ACOXL: variants seen among roughly 807,000 people sequenced by gnomAD.
The protein encoded by ACOXL is acyl-CoA oxidase like.
A neutral mutation model predicts 71.9 loss-of-function variants in ACOXL; 70 were observed. That is an observed-to-expected ratio of 0.97 (90% CI 0.80 to 1.19). The LOEUF is 1.19. Among genes scored for constraint, ACOXL ranks in the 50% most tolerant of loss-of-function variants. The pLI, the probability that ACOXL is intolerant of heterozygous loss-of-function variation, is 0.00. For synonymous variants in ACOXL, 253 were observed against 281.6 expected, an observed-to-expected ratio of 0.90 and a Z score of 1.02; for missense variants, 703 against 736.3, an observed-to-expected ratio of 0.95 and a Z score of 0.52.
intron 9 of ACOXL, among the ~76,000 whole-genome samples, chr2:110,827,542 G>A (rs1298879810): frequency 6.6e-6 from 1 of 152,174 alleles, no homozygotes; most frequent in Non-Finnish European, 1.5e-5. Flanking sequence ...ACTGAGCACT[G>A]AGAGTCCCAG....
intron 16 of ACOXL, among the ~76,000 whole-genome samples, chr2:111,062,034 T>G (rs984797701): frequency 1.3e-5 from 2 of 151,810 alleles, no homozygotes; most frequent in Non-Finnish European, 2.9e-5. Flanking sequence ...AGGCAAAAAT[T>G]TAAAGACAGA....
intron 15 of ACOXL, among the ~76,000 whole-genome samples, chr2:111,041,312 C>G (rs757550533): frequency 7.2e-4 from 109 of 152,152 alleles, no homozygotes; most frequent in Non-Finnish European, 9.4e-4. Context: ...AGGATCAATG[C>G]CACGCATGAG....
chr2:110,831,209 A>G (rs776847814), intron 9 of ACOXL, among the ~76,000 whole-genome samples: 1 of 152,172 alleles, frequency 6.6e-6, no homozygotes, highest in Non-Finnish European at 1.5e-5. Context: ...CTATTTGCAG[A>G]TTACATGATT....
chr2:110,899,435 G>T (rs2059140214), intron 10 of ACOXL, among the ~76,000 whole-genome samples: 2 of 152,054 alleles, frequency 1.3e-5, no homozygotes, highest in South Asian at 4.2e-4. Flanking sequence ...ATGGCTTTTG[G>T]GGCAGACAGG....
intron 12 of ACOXL, among the ~76,000 whole-genome samples, chr2:110,973,492 A>G (rs1012482267): frequency 6.6e-5 from 10 of 152,330 alleles, no homozygotes; most frequent in South Asian, 2.1e-4. Context: ...AGAAAGTGCC[A>G]TCTGTGAACA....
At chr2:110,887,891 CTT>C (rs1272851785) in intron 10 of ACOXL, 2 of 152,192 alleles carry the variant, frequency 1.3e-5, no homozygotes, top group African/African-American at 4.8e-5. Context: ...CATTTGCTCT[CTT>C]GCTGACATTG....
At chr2:110,742,600 G>C (rs780137872) in intron 1 of ACOXL, among the ~76,000 whole-genome samples, 11 of 152,118 alleles carry the variant, frequency 7.2e-5, no homozygotes, top group Admixed American at 5.2e-4. Context: ...CTACAACATG[G>C]GCCGTGAAAA....
chr2:110,838,795 C>A (rs543242417), intron 9 of ACOXL, among the ~76,000 whole-genome samples: 1 of 152,354 alleles, frequency 6.6e-6, no homozygotes, highest in Non-Finnish European at 1.5e-5. Context: ...GTGAAATACC[C>A]TGTTCCCATC....
At chr2:110,968,043 G>C (rs2062008774) in intron 12 of ACOXL, 1 of 1,115,080 alleles carries the variant, frequency 9.0e-7, no homozygotes, top group Non-Finnish European at 1.4e-6. Context: ...CCCGTATAGA[G>C]GGGGATATGA....
At chr2:110,944,580 T>C (rs1337393851) in intron 12 of ACOXL, among the ~76,000 whole-genome samples, 2 of 152,212 alleles carry the variant, frequency 1.3e-5, no homozygotes, top group East Asian at 1.9e-4. Flanking sequence ...CTCCCACTTA[T>C]GAGTGAGAAT....
chr2:110,853,794 G>GC (rs1462646182), intron 10 of ACOXL, among the ~76,000 whole-genome samples: 3 of 152,084 alleles, frequency 2.0e-5, no homozygotes, highest in East Asian at 1.9e-4. Context: ...TCTACAAAGT[G>GC]CAACAGATAA....
chr2:111,020,416 G>A (rs1574503476), intron 14 of ACOXL, among the ~76,000 whole-genome samples: 1 of 152,306 alleles, frequency 6.6e-6, no homozygotes, highest in East Asian at 1.9e-4. Context: ...GAGAGCTGGT[G>A]GGGGGCTTCC....
At chr2:110,745,094 C>T (rs550639427) in intron 1 of ACOXL, among the ~76,000 whole-genome samples, 3 of 152,328 alleles carry the variant, frequency 2.0e-5, no homozygotes, top group East Asian at 3.9e-4. Flanking sequence ...CTGTTATTAG[C>T]ATAAGTAGTT....
intron 11 of ACOXL, among the ~76,000 whole-genome samples, chr2:110,913,237 C>T (rs557019986): frequency 4.4e-4 from 67 of 152,238 alleles, no homozygotes; most frequent in African/African-American, 1.6e-3. Context: ...TATATCTCAG[C>T]GCTTCTACTC....
intron 12 of ACOXL, among the ~76,000 whole-genome samples, chr2:110,945,892 T>C (rs1172285947): frequency 6.6e-6 from 1 of 152,186 alleles, no homozygotes; most frequent in Non-Finnish European, 1.5e-5. Flanking sequence ...AGAATGTCAT[T>C]GGTAGTTTCA....
chr2:110,736,960 C>A (rs1676936429), intron 1 of ACOXL, among the ~76,000 whole-genome samples: 1 of 152,110 alleles, frequency 6.6e-6, no homozygotes, highest in South Asian at 2.1e-4. Flanking sequence ...AGACATTTGG[C>A]CCCCAGCCAC....
At chr2:111,001,468 A>G (rs1054706953) in intron 14 of ACOXL, among the ~76,000 whole-genome samples, 1 of 152,260 alleles carries the variant, frequency 6.6e-6, no homozygotes, top group African/African-American at 2.4e-5. Context: ...AGGATGCCTC[A>G]GAGGGAAGAA....
At chr2:110,909,218 A>G (rs1391222151) in intron 11 of ACOXL, among the ~76,000 whole-genome samples, 3 of 152,190 alleles carry the variant, frequency 2.0e-5, no homozygotes, top group African/African-American at 7.2e-5. Context: ...AAAGTAGCAG[A>G]CTTGAACAGT....
intron 12 of ACOXL, among the ~76,000 whole-genome samples, chr2:110,936,317 G>A (rs1373910698): frequency 6.6e-6 from 1 of 152,122 alleles, no homozygotes; most frequent in African/African-American, 2.4e-5. Flanking sequence ...CCAAGCTGAA[G>A]TGTAGTGGCA....
Sources: gnomAD v4.1 joint callset for allele counts (sites outside exome capture counted in the v4.1 genomes callset) on GRCh38, gnomAD v4.1.1 for gene constraint, MANE v1.5 for transcripts, NCBI Gene and HGNC (gene_info 2026-07-23, HGNC 2026-07-21) for gene names.